ADCK1: variants seen among roughly 807,000 people sequenced by gnomAD.
The protein encoded by ADCK1 is aarF domain containing kinase 1, also known as aarF domain-containing protein kinase 1.
Under a neutral mutation model 52.3 loss-of-function variants are expected in ADCK1, and 41 were observed. The observed-to-expected ratio is 0.78, with a 90% CI of 0.61 to 1.02. The LOEUF (loss-of-function observed/expected upper bound fraction) is 1.02, where lower values mean the gene tolerates loss of function less well. Ranked by LOEUF, ADCK1 falls within the 50% of genes least tolerant of loss-of-function variation. The pLI, the probability that ADCK1 is intolerant of heterozygous loss-of-function variation, is 0.00. For missense variants in ADCK1, 658 were observed against 679.5 expected (o/e 0.97, Z 0.35); for synonymous variants, 250 against 274.6 (o/e 0.91, Z 0.89).
chr14:77,855,129 C>G (rs1290251513), intron 3 of ADCK1, among the ~76,000 whole-genome samples: 2 of 152,228 alleles, frequency 1.3e-5, no homozygotes, highest in Admixed American at 6.5e-5. Flanking sequence ...GCTTCTTTCC[C>G]CACGTGGCCT....
chr14:77,925,279 T>C (rs2084162654), intron 8 of ADCK1, among the ~76,000 whole-genome samples: 1 of 152,222 alleles, frequency 6.6e-6, no homozygotes, highest in South Asian at 2.1e-4. Flanking sequence ...AGGAGCTTAA[T>C]TGCTTGCTCA....
In ADCK1 at chr14:77,852,442, T is replaced by G. The variant is rs553227061; in HGVS notation, c.220-6634T>G. Among the ~76,000 whole-genome samples the G allele has an allele frequency of 3.0e-3, 456 of 152,084 alleles. 2 individuals are homozygous for G. The highest frequency in any genetic ancestry group is 5.1e-3 in the Non-Finnish European group (346 of 67,992). ...TTTCAGAGATGTTGCTATACTAACTTCTGCTCATATTGTTTCCAGTGAAAA... is the reference window on the plus strand; with the variant it reads ...TTTCAGAGATGTTGCTATACTAACTGCTGCTCATATTGTTTCCAGTGAAAA... On this transcript the variant is annotated intron_variant, in intron 3 of 10. Transcript: ENST00000238561.
chr14:77,865,986 C>G (rs1310087580), intron 4 of ADCK1, among the ~76,000 whole-genome samples: 1 of 152,138 alleles, frequency 6.6e-6, no homozygotes, highest in African/African-American at 2.4e-5. Context: ...TTTACCTGGG[C>G]TTTCTGATAA....
At chr14:77,812,081 C>T (rs532325144) in intron 1 of ADCK1, among the ~76,000 whole-genome samples, 1 of 152,152 alleles carries the variant, frequency 6.6e-6, no homozygotes, top group East Asian at 1.9e-4. Flanking sequence ...GTAATGATTA[C>T]CACAATCAAT....
At chr14:77,866,729 C>T (rs1306101796) in intron 4 of ADCK1, among the ~76,000 whole-genome samples, 3 of 152,164 alleles carry the variant, frequency 2.0e-5, no homozygotes, top group Non-Finnish European at 4.4e-5. Context: ...AGGACCCACT[C>T]ACCTAACCCT....
intron 3 of ADCK1, among the ~76,000 whole-genome samples, chr14:77,849,761 A>G (rs907711136): frequency 1.3e-5 from 2 of 152,130 alleles, no homozygotes; most frequent in Non-Finnish European, 2.9e-5. Context: ...CTTGGTTTTC[A>G]AATATTTGGG....
rs774399585 is a variant in ADCK1, at chr14:77,899,108, T to C, written c.591T>C (p.Val197=). Residue 197 remains valine, a synonymous_variant, in exon 6 of 11, where the codon GTT becomes GTC. Coordinates refer to ENST00000238561, the MANE Select transcript of ADCK1 (RefSeq NM_020421.4). ...TGCTTGTTGGATTTCAGGTGCTCGTTCTGGCTGTGAAGCAGCTGTTCCCAG... is the reference window on the plus strand; with the variant it reads ...TGCTTGTTGGATTTCAGGTGCTCGTCCTGGCTGTGAAGCAGCTGTTCCCAG... The part of the protein sequence containing the change: ...SKDILLMEVL[V]LAVKQLFPEF... The C allele has an allele frequency of 6.2e-7, 1 of 1,613,630 alleles. No individual in the cohort carries two copies. Among genetic ancestry groups the C allele is most frequent in the African/African-American group, 1.3e-5 (1 of 74,930 alleles).
intron 7 of ADCK1, among the ~76,000 whole-genome samples, chr14:77,910,495 C>T (rs896627060): frequency 2.6e-5 from 4 of 152,032 alleles, no homozygotes; most frequent in South Asian, 2.1e-4. Context: ...CTTTCCTGAA[C>T]GGCCTTAAAG....
intron 3 of ADCK1, among the ~76,000 whole-genome samples, chr14:77,854,312 A>T (rs372966294): frequency 1.4e-3 from 214 of 152,340 alleles, no homozygotes; most frequent in African/African-American, 5.0e-3. Flanking sequence ...AGCAAGCTCC[A>T]GTAAGAGGAG....
chr14:77,840,933 G>GAGGAAGGA (rs1441339715), intron 3 of ADCK1, among the ~76,000 whole-genome samples: 16 of 98,676 alleles, frequency 1.6e-4, no homozygotes, highest in Non-Finnish European at 2.6e-4. Context: ...GGGAGGGAGG[G>GAGGAAGGA]AGGAAGGAAG....
chr14:77,823,874 T>C (rs1344227340), intron 3 of ADCK1, among the ~76,000 whole-genome samples: 1 of 149,936 alleles, frequency 6.7e-6, no homozygotes, highest in Non-Finnish European at 1.5e-5. Flanking sequence ...GCCAGGCCTG[T>C]TTCATTTATT....
chr14:77,823,118 C>T (rs1244168092), intron 3 of ADCK1, among the ~76,000 whole-genome samples: 1 of 152,158 alleles, frequency 6.6e-6, no homozygotes, highest in East Asian at 1.9e-4. Flanking sequence ...TCACTTGGAA[C>T]AGGGTAGTTG....
At chr14:77,813,025 G>A (rs962129985) in intron 1 of ADCK1, among the ~76,000 whole-genome samples, 4 of 150,194 alleles carry the variant, frequency 2.7e-5, no homozygotes, top group African/African-American at 9.8e-5. Context: ...TTTTTGAGGC[G>A]AAGTTTCACT....
At chr14:77,836,233 C>T (rs775961310) in intron 3 of ADCK1, among the ~76,000 whole-genome samples, 17 of 152,180 alleles carry the variant, frequency 1.1e-4, no homozygotes, top group Non-Finnish European at 2.2e-4. Context: ...TTGCCAGATG[C>T]GGGTCTCTTG....
chr14:77,812,746 T>G (rs913739073), intron 1 of ADCK1, among the ~76,000 whole-genome samples: 1 of 152,128 alleles, frequency 6.6e-6, no homozygotes, highest in African/African-American at 2.4e-5. Context: ...TGAGCCACCA[T>G]GCCTGGCTAG....
intron 1 of ADCK1, among the ~76,000 whole-genome samples, chr14:77,815,467 C>G (rs2081427744): frequency 6.6e-6 from 1 of 151,654 alleles, no homozygotes; most frequent in African/African-American, 2.4e-5. Flanking sequence ...ATTGTGGCCT[C>G]CGGAAGTGCT....
rs112884134 is a variant in ADCK1, at chr14:77,816,006, C to T, written c.-11-2962C>T. ...AATGTTAATAGAGATGGGGTTTCAC[C>T]ATGTTGGCCAGGCTGGTCTGGAACT... On this transcript the variant is annotated intron_variant, in intron 1 of 10. Coordinates refer to ENST00000238561, the MANE Select transcript of ADCK1 (RefSeq NM_020421.4). Among the ~76,000 whole-genome samples, 1,131 of 151,908 alleles carry T rather than the reference C, an allele frequency of 7.4e-3. 12 individuals carry two copies. Among genetic ancestry groups the T allele is most frequent in the Middle Eastern group, 0.048 (14 of 290 alleles).
chr14:77,929,736 A>G (rs1197431211), intron 9 of ADCK1, among the ~76,000 whole-genome samples: 1 of 151,796 alleles, frequency 6.6e-6, no homozygotes. Context: ...GTGTGATCTC[A>G]GCTCACCAAA....
Position 77,933,478 on chromosome 14 carries a change from A to G in ADCK1, c.*87A>G. 6.5e-7 allele frequency: 1 copy of G among 1,541,840 alleles called. No homozygotes were observed. The highest frequency in any genetic ancestry group is 8.9e-7 in the Non-Finnish European group (1 of 1,124,224). On this transcript the variant is annotated 3_prime_UTR_variant, in exon 11 of 11. Coordinates refer to ENST00000238561, the MANE Select transcript of ADCK1 (RefSeq NM_020421.4). Reference sequence around the variant, plus strand: ...TCCACCCAGCTGCTCCATTTTTGCCACATCGTGGCCCGCAGCCCCAGAGTC... The same window carrying G: ...TCCACCCAGCTGCTCCATTTTTGCCGCATCGTGGCCCGCAGCCCCAGAGTC...
Sources: allele counts gnomAD v4.1 joint callset (sites outside exome capture counted in the v4.1 genomes callset), GRCh38; gene constraint gnomAD v4.1.1; transcripts MANE v1.5; gene names NCBI Gene and HGNC (gene_info 2026-07-23, HGNC 2026-07-21).